NALCN: variants seen among roughly 807,000 people sequenced by gnomAD.
NALCN encodes the protein sodium leak channel, non-selective, also known as sodium leak channel NALCN.
NALCN carries 111 observed loss-of-function variants against 225.3 expected under a neutral mutation model. That is an observed-to-expected ratio of 0.49 (90% confidence interval 0.42 to 0.58). The LOEUF (loss-of-function observed/expected upper bound fraction) is 0.58, where lower values mean the gene tolerates loss of function less well. Ranked by LOEUF, NALCN falls within the 20% of genes least tolerant of loss-of-function variation. The pLI is 0.00. For missense variants in NALCN, 1,378 were observed against 2,202.4 expected (o/e 0.63, Z 7.49); for synonymous variants, 764 against 769.0 (o/e 0.99, Z 0.11).
chr13:101,132,766 GT>G (rs775898415), intron 17 of NALCN, among the ~76,000 whole-genome samples: 11 of 152,192 alleles, frequency 7.2e-5, no homozygotes, highest in Non-Finnish European at 1.5e-4. Flanking sequence ...TTATGTCTAT[GT>G]AAAATGTCAC....
intron 13 of NALCN, among the ~76,000 whole-genome samples, chr13:101,218,086 G>T (rs1489226372): frequency 6.6e-6 from 1 of 152,074 alleles, no homozygotes; most frequent in Non-Finnish European, 1.5e-5. Context: ...ACTCAATCCT[G>T]CCAATGAGAG....
Position 101,144,820 on chromosome 13 carries a change from T to A in NALCN, c.1916A>T (p.Asn639Ile). Reference protein sequence around the residue: ...LRLRIFEKFPNRPQMVKISKL... With the variant: ...LRLRIFEKFPIRPQMVKISKL... ...TGAGATTTTCACCATTTGAGGTCTG[T>A]TTGGAAATTTTTCAAAGATTCGCAG... Residue 639 changes from asparagine (N) to isoleucine (I), a missense_variant, in exon 16 of 44, where the codon AAC becomes ATC. Asn to Ile is a moderately radical substitution (Grantham distance 149). This residue lies in a region of NALCN where 62 missense variants were observed against 143.6 expected (regional missense o/e 0.43). Transcript: ENST00000251127. The A allele has an allele frequency of 6.2e-7, 1 of 1,613,834 alleles. No individual in the cohort carries two copies. The highest frequency in any genetic ancestry group is 8.5e-7 in the Non-Finnish European group (1 of 1,179,890).
chr13:101,119,585 T>A (rs2035873993), intron 18 of NALCN, among the ~76,000 whole-genome samples: 2 of 152,258 alleles, frequency 1.3e-5, no homozygotes, highest in South Asian at 4.1e-4. Context: ...GCAGGAACGA[T>A]AATGCATTTT....
At chr13:101,389,347 G>A (rs146349623) in intron 3 of NALCN, among the ~76,000 whole-genome samples, 1 of 152,310 alleles carries the variant, frequency 6.6e-6, no homozygotes, top group East Asian at 1.9e-4. Flanking sequence ...GCAAGTTGCA[G>A]GTTAATGTAA....
chr13:101,205,587 C>G (rs937520816), intron 13 of NALCN, among the ~76,000 whole-genome samples: 1 of 152,110 alleles, frequency 6.6e-6, no homozygotes, highest in African/African-American at 2.4e-5. Context: ...TGACAACAAA[C>G]AGCTGTGAAA....
chr13:101,374,772 G>A (rs1325732835), intron 6 of NALCN, among the ~76,000 whole-genome samples: 1 of 152,170 alleles, frequency 6.6e-6, no homozygotes, highest in Non-Finnish European at 1.5e-5. Flanking sequence ...CTCCTGGTCT[G>A]AAAACACGTG....
chr13:101,227,615 G>C (rs147070979), intron 13 of NALCN, among the ~76,000 whole-genome samples: 108 of 152,230 alleles, frequency 7.1e-4, no homozygotes, highest in African/African-American at 1.5e-3. Context: ...AGCAGGTCTT[G>C]TTCTCCTGAC....
intron 7 of NALCN, among the ~76,000 whole-genome samples, chr13:101,311,678 G>A (rs1316070463): frequency 9.7e-4 from 147 of 152,270 alleles, no homozygotes; most frequent in African/African-American, 3.3e-3. Flanking sequence ...ATTTGCGTAT[G>A]TTGAACCAGC....
chr13:101,239,881 C>A (rs114023163), intron 11 of NALCN, among the ~76,000 whole-genome samples: 18 of 152,172 alleles, frequency 1.2e-4, no homozygotes, highest in Non-Finnish European at 2.1e-4. Flanking sequence ...TATCTTGTCT[C>A]AAATCCATGC....
intron 6 of NALCN, among the ~76,000 whole-genome samples, chr13:101,354,720 C>T (rs1349295219): frequency 6.6e-6 from 1 of 152,148 alleles, no homozygotes; most frequent in Non-Finnish European, 1.5e-5. Context: ...TATAAATCAC[C>T]TCTTACATAC....
At chr13:101,263,204 G>A (rs2042488908) in intron 10 of NALCN, among the ~76,000 whole-genome samples, 1 of 152,098 alleles carries the variant, frequency 6.6e-6, no homozygotes, top group Non-Finnish European at 1.5e-5. Flanking sequence ...GTTTCCCTTT[G>A]ACTTTATTTT....
At chr13:101,159,224 T>C (rs935329358) in intron 15 of NALCN, among the ~76,000 whole-genome samples, 1 of 152,238 alleles carries the variant, frequency 6.6e-6, no homozygotes, top group African/African-American at 2.4e-5. Flanking sequence ...AAAGCAATGC[T>C]GTCAATGACA....
intron 7 of NALCN, among the ~76,000 whole-genome samples, chr13:101,298,811 T>C (rs988153238): frequency 1.3e-5 from 2 of 152,208 alleles, no homozygotes; most frequent in African/African-American, 4.8e-5. Flanking sequence ...CAACAGTCCC[T>C]GCAACCCCCA....
In NALCN at chr13:101,283,946, G is replaced by A; in HGVS notation, c.1121C>T (p.Pro374Leu). ...VDVNKPQGRAPACLQKMMRSS... is the reference protein window; with the variant it reads ...VDVNKPQGRALACLQKMMRSS... Reference sequence around the variant, plus strand: ...ATTGTACTGCACCTGGAGGCAGGCTGGGGCGCGTCCCTGGGGCTTGTTGAC... The same window carrying A: ...ATTGTACTGCACCTGGAGGCAGGCTAGGGCGCGTCCCTGGGGCTTGTTGAC... The change falls in exon 10 of 44, where the codon CCA (proline) becomes CTA (leucine). Residue 374 changes from proline to leucine, a missense_variant. Physicochemically the swap from Pro to Leu is moderately conservative, Grantham distance 98. Transcript: ENST00000251127. 1 of 1,612,670 alleles carries A rather than the reference G, an allele frequency of 6.2e-7. No homozygotes were observed.
chr13:101,283,911 T>C lies in NALCN; in HGVS notation c.1134+22A>G, dbSNP rs78369250. 3.2e-3 allele frequency: 5,057 copies of C among 1,576,860 alleles called. 145 individuals are homozygous for C. In the African/African-American group the frequency reaches 0.059, roughly 18 times the overall value. On this transcript the variant is annotated intron_variant, in intron 10 of 43. Coordinates refer to ENST00000251127, the MANE Select transcript of NALCN (RefSeq NM_052867.4). ...TCAAAGACCTTTGCTGGGCGATTTT[T>C]AAAAATGTCATTGTACTGCACCTGG...
In NALCN at chr13:101,107,799, A is replaced by C; in HGVS notation, c.2365-10T>G. On this transcript the variant is annotated splice_polypyrimidine_tract_variant and intron_variant, in intron 20 of 43. Transcript: ENST00000251127. ...TCACTGTATTGGAATGCTAGAAATA[A>C]ATTAACAGGGGGTGTGTTAAAACAG... The C allele has an allele frequency of 6.2e-7, 1 of 1,607,092 alleles. No homozygotes were observed. Among genetic ancestry groups the C allele is most frequent in the East Asian group, 2.2e-5 (1 of 44,800 alleles).
At chr13:101,327,989 T>C (rs1050193930) in intron 7 of NALCN, among the ~76,000 whole-genome samples, 1 of 152,150 alleles carries the variant, frequency 6.6e-6, no homozygotes, top group Non-Finnish European at 1.5e-5. Context: ...CCACAGACCA[T>C]GTCTAAACAA....
At chr13:101,322,170 T>C (rs2044767196) in intron 7 of NALCN, among the ~76,000 whole-genome samples, 2 of 152,228 alleles carry the variant, frequency 1.3e-5, no homozygotes, top group Admixed American at 1.3e-4. Context: ...TGTGTGGGTA[T>C]ATATGAACAT....
intron 17 of NALCN, 89 bp from the exon 18 acceptor site, chr13:101,124,770 A>G: frequency 9.4e-7 from 1 of 1,060,358 alleles, no homozygotes; most frequent in Non-Finnish European, 1.4e-6. Flanking sequence ...TTGTTAAAAC[A>G]TGAAACATGA....
Sources: allele counts gnomAD v4.1 joint callset (sites outside exome capture counted in the v4.1 genomes callset), GRCh38; gene constraint gnomAD v4.1.1; regional missense constraint gnomAD v4.1.1; transcripts MANE v1.5; gene names NCBI Gene and HGNC (gene_info 2026-07-23, HGNC 2026-07-21).